Variants in ERP44 observed in about 807,000 individuals in gnomAD.
ERP44 encodes endoplasmic reticulum protein 44, also known as endoplasmic reticulum resident protein 44.
A neutral mutation model predicts 53.4 loss-of-function variants in ERP44; 25 were observed. That is an observed-to-expected ratio of 0.47 (90% confidence interval 0.34 to 0.65). The LOEUF (loss-of-function observed/expected upper bound fraction) is 0.65. Ranked by LOEUF, ERP44 falls within the 30% of genes least tolerant of loss-of-function variation. The pLI is 0.01. For synonymous variants in ERP44, 145 were observed against 161.2 expected, an observed-to-expected ratio of 0.90 and a Z score of 0.76; for missense variants, 338 against 493.2, an observed-to-expected ratio of 0.69 and a Z score of 2.98.
At chr9:100,092,394 G>A (rs1304406585) in intron 1 of ERP44, among the ~76,000 whole-genome samples, 1 of 152,152 alleles carries the variant, frequency 6.6e-6, no homozygotes, top group African/African-American at 2.4e-5. Context: ...CCCTTTTGTA[G>A]TCTATCTTGA....
intron 1 of ERP44, among the ~76,000 whole-genome samples, chr9:100,068,487 T>C (rs1394948780): frequency 8.0e-6 from 1 of 125,306 alleles, no homozygotes; most frequent in South Asian, 2.9e-4. Flanking sequence ...GGAGCCCCTC[T>C]GCCCGGCCAG....
chr9:100,016,480 T>C, intron 7 of ERP44, 42 bp from the exon 8 acceptor site: 1 of 1,545,676 alleles, frequency 6.5e-7, no homozygotes, highest in Non-Finnish European at 8.6e-7. Flanking sequence ...TAACCTGTGC[T>C]GGCAAAAGTA....
chr9:100,010,841 C>G (rs981172808), intron 8 of ERP44, among the ~76,000 whole-genome samples: 9 of 145,636 alleles, frequency 6.2e-5, no homozygotes, highest in Non-Finnish European at 1.3e-4. Flanking sequence ...GCAGAGGTTA[C>G]AGTGAGCCGA....
chr9:100,030,078 C>T (rs141656347), intron 4 of ERP44, among the ~76,000 whole-genome samples: 71 of 152,262 alleles, frequency 4.7e-4, no homozygotes, highest in African/African-American at 1.6e-3. Context: ...CAGAGCGAGA[C>T]TCAGTCTCAA....
At chr9:100,019,356 C>T (rs1414015697) in intron 6 of ERP44, among the ~76,000 whole-genome samples, 1 of 151,994 alleles carries the variant, frequency 6.6e-6, no homozygotes, top group African/African-American at 2.4e-5. Flanking sequence ...CCATCCTGGG[C>T]AACATGGTGA....
intron 7 of ERP44, among the ~76,000 whole-genome samples, chr9:100,017,084 G>A (rs534517795): frequency 3.3e-5 from 5 of 152,240 alleles, no homozygotes; most frequent in Admixed American, 1.3e-4. Context: ...TGTAAGGCAC[G>A]ACTATTTCTT....
rs757604483 is a variant in ERP44 at position 100,016,386 on chromosome 9, G to C, written c.698C>G (p.Thr233Ser). 6.2e-7 allele frequency: 1 copy of C among 1,612,212 alleles called. No homozygotes were observed. The highest frequency in any genetic ancestry group is 2.2e-5 in the East Asian group (1 of 44,746). Residue 233 changes from threonine (T) to serine (S), a missense_variant, in exon 8 of 12, where the codon ACT (threonine) becomes AGT (serine). Physicochemically the swap from Thr to Ser is moderately conservative, Grantham distance 58. Transcript: ENST00000262455. ...ACATTTATCTTGAATCCAATTGTAAGTCACATCAAAATTTGTCATAGCTCC... is the reference window on the plus strand; with the variant it reads ...ACATTTATCTTGAATCCAATTGTAACTCACATCAAAATTTGTCATAGCTCC... ...YLGAMTNFDV[T>S]YNWIQDKCVP...
chr9:100,052,319 A>AG (rs780041297), intron 4 of ERP44, 98 bp downstream of exon 4: 423 of 547,158 alleles, frequency 7.7e-4, no homozygotes, highest in Non-Finnish European at 1.1e-3. Flanking sequence ...AAAAAAGAAA[A>AG]GGAAAAAAAA....
intron 1 of ERP44, among the ~76,000 whole-genome samples, chr9:100,061,544 ACG>A (rs1826149162): frequency 1.4e-5 from 2 of 142,956 alleles, no homozygotes; most frequent in African/African-American, 5.4e-5. Flanking sequence ...ATTTATAGAA[ACG>A]TATATATTTA....
At chr9:100,005,661 G>A (rs1830418524) in intron 10 of ERP44, among the ~76,000 whole-genome samples, 1 of 152,094 alleles carries the variant, frequency 6.6e-6, no homozygotes, top group African/African-American at 2.4e-5. Context: ...CTCAAATCTA[G>A]GCTTCCTAGG....
rs1242864175 is a variant in ERP44, at chr9:99,979,247, CTG to C, written c.*3363_*3364del. ...ATATCTCCTTGTAGGAGAAAAAAAA[CTG>C]AGTTATTCTGTTCTTCCTGATTGTC... On this transcript the variant is annotated 3_prime_UTR_variant, in exon 12 of 12. Coordinates refer to ENST00000262455, the MANE Select transcript of ERP44 (RefSeq NM_015051.3). The C allele has an allele frequency of 2.0e-5, 3 of 146,738 alleles. No homozygotes were observed. Among genetic ancestry groups the C allele is most frequent in the Admixed American group, 1.4e-4 (2 of 14,720 alleles). 9.1% of individuals were successfully genotyped at this position (146,738 alleles called of 1,614,324 possible). A position where few individuals can be genotyped will look rare whatever the true frequency, so the allele number is the denominator to read the frequency against.
chr9:100,001,144 T>C (rs958546336), intron 10 of ERP44, among the ~76,000 whole-genome samples: 1 of 152,208 alleles, frequency 6.6e-6, no homozygotes, highest in African/African-American at 2.4e-5. Context: ...TAGGTATTTG[T>C]GAATTTTCCA....
Position 100,052,536 on chromosome 9 carries a change from TAC to T in ERP44, c.171-6_171-5del. 6.5e-7 allele frequency: 1 copy of T among 1,538,972 alleles called. No individual in the cohort carries two copies. Among genetic ancestry groups the T allele is most frequent in the Non-Finnish European group, 8.9e-7 (1 of 1,123,308 alleles). On this transcript the variant is annotated splice_polypyrimidine_tract_variant and splice_region_variant and intron_variant, in intron 3 of 11. Transcript: ENST00000262455. ...CAACATCTGACTGAAACGACACCTA[TAC>T]ACAGAGAAGGATGCCAATTAGAAAT...
intron 1 of ERP44, among the ~76,000 whole-genome samples, chr9:100,078,415 G>A (rs529838572): frequency 1.4e-5 from 2 of 141,650 alleles, no homozygotes; most frequent in Non-Finnish European, 3.0e-5. Context: ...CTGAGATTGC[G>A]CCTCTGCACT....
intron 4 of ERP44, among the ~76,000 whole-genome samples, chr9:100,050,585 A>G (rs973260086): frequency 1.3e-5 from 2 of 152,248 alleles, no homozygotes; most frequent in Non-Finnish European, 2.9e-5. Flanking sequence ...ATCTCTAAAG[A>G]GACTGTGGAA....
intron 11 of ERP44, among the ~76,000 whole-genome samples, chr9:99,984,070 T>C (rs922834593): frequency 7.9e-5 from 12 of 152,246 alleles, no homozygotes; most frequent in Non-Finnish European, 1.6e-4. Flanking sequence ...TAGTTGTTAA[T>C]TATCAAAAAT....
At chr9:100,092,642 T>G (rs1826572981) in intron 1 of ERP44, among the ~76,000 whole-genome samples, 1 of 152,194 alleles carries the variant, frequency 6.6e-6, no homozygotes. Context: ...GTGAGTACAT[T>G]CATTCTGAAT....
chr9:100,098,035 T>G (rs2118771306), intron 1 of ERP44, among the ~76,000 whole-genome samples: 1 of 152,334 alleles, frequency 6.6e-6, no homozygotes, highest in South Asian at 2.1e-4. Flanking sequence ...GATCAATTAG[T>G]CTGCACACTC....
intron 10 of ERP44, among the ~76,000 whole-genome samples, chr9:99,987,584 A>G (rs1265701318): frequency 6.6e-6 from 1 of 152,190 alleles, no homozygotes; most frequent in East Asian, 1.9e-4. Flanking sequence ...TCACTTTTTT[A>G]GGCTTAAGTT....
Sources: gnomAD v4.1 joint callset for allele counts (sites outside exome capture counted in the v4.1 genomes callset) on GRCh38, gnomAD v4.1.1 for gene constraint, MANE v1.5 for transcripts, NCBI Gene and HGNC (gene_info 2026-07-23, HGNC 2026-07-21) for gene names.